UBE2G1: variants seen among roughly 807,000 people sequenced by gnomAD.
UBE2G1 encodes the protein ubiquitin-conjugating enzyme E2 G1.
A neutral mutation model predicts 22.7 loss-of-function variants in UBE2G1; 5 were observed. That is an observed-to-expected ratio of 0.22 (90% confidence interval 0.12 to 0.46). UBE2G1 has a LOEUF of 0.46. Among genes scored for constraint, UBE2G1 ranks in the 20% least tolerant of loss-of-function variants. The probability of loss-of-function intolerance (pLI) is 0.99; values close to 1 mark genes in which losing one functional copy is unlikely to be tolerated. For missense variants in UBE2G1, 88 were observed against 203.9 expected (o/e 0.43, Z 3.46); for synonymous variants, 74 against 67.5 (o/e 1.10, Z -0.47).
chr17:4,347,792 A>G (rs916966610), intron 1 of UBE2G1, among the ~76,000 whole-genome samples: 1 of 151,804 alleles, frequency 6.6e-6, no homozygotes, highest in African/African-American at 2.4e-5. Flanking sequence ...TTTCATTATT[A>G]CTATATTTGT....
chr17:4,302,373 G>A (rs1969193644), intron 2 of UBE2G1: 1 of 486,552 alleles, frequency 2.1e-6, no homozygotes. Context: ...CCCTTGGGTT[G>A]CTGTGTCTTC....
At chr17:4,287,146 C>T (rs895732123) in intron 4 of UBE2G1, among the ~76,000 whole-genome samples, 2 of 147,192 alleles carry the variant, frequency 1.4e-5, no homozygotes, top group Admixed American at 1.4e-4. Context: ...CACTGTTACC[C>T]TGGCTGGAGT....
intron 1 of UBE2G1, among the ~76,000 whole-genome samples, chr17:4,357,510 G>GT (rs1404639428): frequency 1.2e-5 from 1 of 84,118 alleles, no homozygotes; most frequent in Non-Finnish European, 2.4e-5. Flanking sequence ...TGTGTGTGTG[G>GT]GGGGGGGGGG....
At chr17:4,361,867 G>A (rs542870961) in intron 1 of UBE2G1, among the ~76,000 whole-genome samples, 25 of 151,296 alleles carry the variant, frequency 1.7e-4, no homozygotes, top group African/African-American at 5.8e-4. Context: ...GCTTGAACCC[G>A]CGAGGCGGAG....
chr17:4,279,446 C>T (rs1310955717), intron 5 of UBE2G1, among the ~76,000 whole-genome samples: 1 of 152,070 alleles, frequency 6.6e-6, no homozygotes, highest in Non-Finnish European at 1.5e-5. Flanking sequence ...GAGTGAAGTT[C>T]AACCTCTACC....
At chr17:4,313,942 T>C (rs915033250) in intron 1 of UBE2G1, among the ~76,000 whole-genome samples, 3 of 152,064 alleles carry the variant, frequency 2.0e-5, no homozygotes, top group Non-Finnish European at 4.4e-5. Context: ...TGTTAAGTCA[T>C]GGAAAATAAT....
At chr17:4,361,959 C>CAAAA (rs35792021) in intron 1 of UBE2G1, among the ~76,000 whole-genome samples, 17 of 68,992 alleles carry the variant, frequency 2.5e-4, no homozygotes, top group African/African-American at 5.3e-4. Context: ...AAGACTGTCT[C>CAAAA]AAAAAAAAAA....
chr17:4,333,399 C>A (rs1598197620), intron 1 of UBE2G1, among the ~76,000 whole-genome samples: 1 of 152,062 alleles, frequency 6.6e-6, no homozygotes, highest in South Asian at 2.1e-4. Context: ...AAAGACGGGC[C>A]GGGCACGGTG....
At chr17:4,335,468 C>T (rs995990126) in intron 1 of UBE2G1, 4 of 152,264 alleles carry the variant, frequency 2.6e-5, no homozygotes, top group South Asian at 4.1e-4. Context: ...CAAAACATCA[C>T]GTTGCTTGTG....
At chr17:4,274,069 C>A (rs1307339347) in intron 5 of UBE2G1, among the ~76,000 whole-genome samples, 1 of 151,884 alleles carries the variant, frequency 6.6e-6, no homozygotes, top group African/African-American at 2.4e-5. Context: ...CAAGCTCCGC[C>A]TCCCTGGTTC....
chr17:4,308,350 T>C (rs922264384), intron 1 of UBE2G1, among the ~76,000 whole-genome samples: 2 of 149,648 alleles, frequency 1.3e-5, no homozygotes, highest in African/African-American at 4.9e-5. Context: ...CAAAACTCTG[T>C]CTCAAAAAAT....
chr17:4,306,558 C>A (rs1291520854), intron 2 of UBE2G1, among the ~76,000 whole-genome samples: 1 of 152,116 alleles, frequency 6.6e-6, no homozygotes. Context: ...AAAACTCTTC[C>A]ATGATCAAAT....
chr17:4,270,623 G>A lies in UBE2G1; in HGVS notation c.*1931C>T, dbSNP rs989644879. ...GGGTGTGCAGTGCTGACATTTTGGG[G>A]CAACTATTTTTACAGTCTTTGGAAA... On this transcript the variant is annotated 3_prime_UTR_variant, in exon 6 of 6. Coordinates refer to ENST00000396981, the MANE Select transcript of UBE2G1 (RefSeq NM_003342.5). The A allele has an allele frequency of 1.1e-4, 17 of 148,018 alleles. No individual in the cohort carries two copies. Among genetic ancestry groups the A allele is most frequent in the African/African-American group, 4.2e-4 (17 of 40,618 alleles). The allele number at this position is 148,018 out of a possible 1,614,324, so 9.2% of individuals were successfully genotyped here. A position where few individuals can be genotyped will look rare whatever the true frequency, so the allele number is the denominator to read the frequency against.
chr17:4,304,961 T>TC, intron 2 of UBE2G1, among the ~76,000 whole-genome samples: 1 of 151,744 alleles, frequency 6.6e-6, no homozygotes, highest in East Asian at 1.9e-4. Flanking sequence ...AACTTTTTTT[T>TC]TTTTTTTTTT....
At chr17:4,320,906 G>C (rs1442819028) in intron 1 of UBE2G1, among the ~76,000 whole-genome samples, 1 of 151,958 alleles carries the variant, frequency 6.6e-6, no homozygotes, top group Non-Finnish European at 1.5e-5. Context: ...GCCTAGGTAT[G>C]AGCTGAGAGG....
intron 1 of UBE2G1, among the ~76,000 whole-genome samples, chr17:4,362,889 G>A (rs1969985290): frequency 2.0e-5 from 3 of 152,058 alleles, no homozygotes; most frequent in South Asian, 2.1e-4. Context: ...TTGGGAGGCC[G>A]AGGTGGGTGG....
intron 2 of UBE2G1, among the ~76,000 whole-genome samples, chr17:4,303,271 AT>A (rs1379258795): frequency 6.6e-6 from 1 of 152,246 alleles, no homozygotes; most frequent in Non-Finnish European, 1.5e-5. Flanking sequence ...AGGGACACAA[AT>A]TATAGTACAA....
intron 1 of UBE2G1, among the ~76,000 whole-genome samples, chr17:4,345,136 C>G (rs1969754838): frequency 6.6e-6 from 1 of 152,070 alleles, no homozygotes; most frequent in South Asian, 2.1e-4. Context: ...AAATGGGCAG[C>G]CAGAAATACA....
At chr17:4,292,949 T>C (rs1969060430) in intron 3 of UBE2G1, among the ~76,000 whole-genome samples, 2 of 152,180 alleles carry the variant, frequency 1.3e-5, no homozygotes, top group Admixed American at 1.3e-4. Context: ...CATAAAACTA[T>C]TCCCCTATAA....
Sources: allele counts gnomAD v4.1 joint callset (sites outside exome capture counted in the v4.1 genomes callset), GRCh38; gene constraint gnomAD v4.1.1; transcripts MANE v1.5; gene names NCBI Gene and HGNC (gene_info 2026-07-23, HGNC 2026-07-21).